The following OTUD7A variants were observed in gnomAD, a reference collection of about 807,000 sequenced individuals.
OTUD7A encodes the protein OTU deubiquitinase 7A, also known as OTU domain-containing protein 7A.
OTUD7A carries 12 observed loss-of-function variants against 65.7 expected under a neutral mutation model. The ratio of observed to expected loss-of-function variants is 0.18; its 90% CI spans 0.12 to 0.30. The LOEUF (loss-of-function observed/expected upper bound fraction) is 0.30, where lower values mean the gene tolerates loss of function less well. OTUD7A is among the 10% of genes least tolerant of loss of function. OTUD7A has a pLI of 1.00. For missense variants in OTUD7A, 1,148 were observed against 1,304.8 expected (o/e 0.88, Z 1.85); for synonymous variants, 641 against 586.3 (o/e 1.09, Z -1.35).
intron 1 of OTUD7A, among the ~76,000 whole-genome samples, chr15:31,847,567 T>C (rs1433519025): frequency 1.3e-5 from 2 of 152,134 alleles, no homozygotes; most frequent in Non-Finnish European, 2.9e-5. Flanking sequence ...ACTGAAGGCA[T>C]AAGGGTTTGC....
intron 1 of OTUD7A, among the ~76,000 whole-genome samples, chr15:31,780,369 C>T (rs1047896792): frequency 1.3e-5 from 2 of 152,202 alleles, no homozygotes; most frequent in Non-Finnish European, 2.9e-5. Flanking sequence ...AGAAAATCAA[C>T]TTTACTATAG....
At chr15:31,848,067 T>A (rs563278455) in intron 1 of OTUD7A, among the ~76,000 whole-genome samples, 1 of 152,188 alleles carries the variant, frequency 6.6e-6, no homozygotes, top group South Asian at 2.1e-4. Context: ...CTAGATCATA[T>A]CAACCTGCAA....
intron 3 of OTUD7A, among the ~76,000 whole-genome samples, chr15:31,609,272 G>A (rs957150078): frequency 2.6e-5 from 4 of 152,212 alleles, no homozygotes; most frequent in African/African-American, 9.7e-5. Context: ...CACAGGATGG[G>A]GAGGAACTAA....
intron 1 of OTUD7A, among the ~76,000 whole-genome samples, chr15:31,780,172 A>C (rs879460724): frequency 2.0e-5 from 3 of 152,168 alleles, no homozygotes; most frequent in Non-Finnish European, 4.4e-5. Flanking sequence ...CTTAAAAATA[A>C]AGCAGCCATG....
At chr15:31,851,149 A>C (rs1437492266) in intron 1 of OTUD7A, among the ~76,000 whole-genome samples, 2 of 152,238 alleles carry the variant, frequency 1.3e-5, no homozygotes, top group Non-Finnish European at 2.9e-5. Flanking sequence ...AATGAGTACT[A>C]TAATCACAAA....
intron 1 of OTUD7A, among the ~76,000 whole-genome samples, chr15:31,713,573 C>T (rs1175174510): frequency 6.6e-6 from 1 of 151,834 alleles, no homozygotes; most frequent in Non-Finnish European, 1.5e-5. Flanking sequence ...GAGCTGAGAT[C>T]GTGCCACTAC....
intron 3 of OTUD7A, among the ~76,000 whole-genome samples, chr15:31,587,142 C>T (rs960439326): frequency 6.6e-5 from 10 of 152,088 alleles, no homozygotes; most frequent in Admixed American, 5.2e-4. Context: ...CCCTCACACC[C>T]GACATCAGCA....
At chr15:31,864,350 T>C (rs1003562614) in intron 1 of OTUD7A, among the ~76,000 whole-genome samples, 2 of 152,196 alleles carry the variant, frequency 1.3e-5, no homozygotes, top group African/African-American at 4.8e-5. Flanking sequence ...GTTTTCACCC[T>C]GCTGATAAAG....
intron 1 of OTUD7A, among the ~76,000 whole-genome samples, chr15:31,683,585 C>T (rs1276882763): frequency 6.6e-6 from 1 of 152,002 alleles, no homozygotes; most frequent in Non-Finnish European, 1.5e-5. Flanking sequence ...TAGCATAGTG[C>T]CTGGCACATA....
intron 3 of OTUD7A, among the ~76,000 whole-genome samples, chr15:31,610,605 A>T (rs1890375754): frequency 1.3e-4 from 5 of 38,678 alleles, no homozygotes; most frequent in Non-Finnish European, 1.9e-4. Context: ...ATATATATAT[A>T]TATATATATA....
At chr15:31,771,818 G>C (rs1408493349) in intron 1 of OTUD7A, among the ~76,000 whole-genome samples, 2 of 152,124 alleles carry the variant, frequency 1.3e-5, no homozygotes, top group Non-Finnish European at 2.9e-5. Flanking sequence ...TCAGCCTTCT[G>C]TTTGGCCTTA....
rs2041076535 is a variant in OTUD7A, at chr15:31,479,361, A to G, written c.*3933T>C. On this transcript the variant is annotated 3_prime_UTR_variant, in exon 13 of 13. Transcript: ENST00000307050. ...ACTGAGGAAAGAAAAAGGACAGAAC[A>G]CTGGGGGTACTTAATTTTAAAGTCC... 1 of 152,180 alleles carries G rather than the reference A, an allele frequency of 6.6e-6. No individual in the cohort carries two copies. 9.4% of individuals were successfully genotyped at this position (152,180 alleles called of 1,614,324 possible).
intron 1 of OTUD7A, chr15:31,787,369 C>A (rs1219815650): frequency 6.6e-6 from 1 of 152,078 alleles, no homozygotes; most frequent in Non-Finnish European, 1.5e-5. Flanking sequence ...AATTTGGAAC[C>A]AAGATAGGAG....
intron 1 of OTUD7A, among the ~76,000 whole-genome samples, chr15:31,663,408 T>C (rs1473054485): frequency 2.0e-5 from 3 of 152,114 alleles, no homozygotes; most frequent in Non-Finnish European, 4.4e-5. Context: ...AAGCCCTGCA[T>C]GCATTATTTA....
At chr15:31,523,539 G>A (rs1279752301) in intron 8 of OTUD7A, among the ~76,000 whole-genome samples, 1 of 152,154 alleles carries the variant, frequency 6.6e-6, no homozygotes, top group Non-Finnish European at 1.5e-5. Context: ...CACCATAGAT[G>A]AGTCCTGAAG....
chr15:31,869,877 A>G (rs1377629187), intron 1 of OTUD7A, among the ~76,000 whole-genome samples: 2 of 152,164 alleles, frequency 1.3e-5, no homozygotes, highest in Non-Finnish European at 2.9e-5. Flanking sequence ...CCGCAGATGC[A>G]ATTTTTTCCC....
intron 1 of OTUD7A, among the ~76,000 whole-genome samples, chr15:31,817,275 G>C (rs77727247): frequency 1.4e-5 from 2 of 143,546 alleles, no homozygotes; most frequent in Admixed American, 7.0e-5. Flanking sequence ...TAGATCATTT[G>C]CCCCCCCCCA....
At chr15:31,485,861 TCAC>T (rs2041229467) in intron 12 of OTUD7A, among the ~76,000 whole-genome samples, 2 of 152,140 alleles carry the variant, frequency 1.3e-5, no homozygotes, top group South Asian at 4.1e-4. Flanking sequence ...TGTGACCAGG[TCAC>T]CCCAAAGCAA....
At chr15:31,630,789 T>A (rs987943081) in intron 3 of OTUD7A, among the ~76,000 whole-genome samples, 2 of 152,256 alleles carry the variant, frequency 1.3e-5, no homozygotes, top group Non-Finnish European at 2.9e-5. Context: ...GGTGCATATA[T>A]ATTTAGGATA....
Sources: allele counts gnomAD v4.1 joint callset (sites outside exome capture counted in the v4.1 genomes callset), GRCh38; gene constraint gnomAD v4.1.1; transcripts MANE v1.5; gene names NCBI Gene and HGNC (gene_info 2026-07-23, HGNC 2026-07-21).